The following TOP1MT variants were observed in gnomAD, a reference collection of about 807,000 sequenced individuals.
The protein encoded by TOP1MT is DNA topoisomerase I, mitochondrial.
In TOP1MT, 80 loss-of-function variants were observed where a neutral mutation model predicts 73.9. The observed-to-expected ratio is 1.08, with a 90% confidence interval of 0.90 to 1.30. The LOEUF (loss-of-function observed/expected upper bound fraction) is 1.30. TOP1MT is among the 50% of genes most tolerant of loss of function. TOP1MT has a pLI of 0.00. For synonymous variants in TOP1MT, 338 were observed against 326.4 expected (o/e 1.04, Z -0.38); for missense variants, 815 against 808.0 (o/e 1.01, Z -0.10).
upstream of TOP1MT, chr8:143,334,964 C>G: frequency 3.4e-6 from 4 of 1,177,824 alleles, no homozygotes; most frequent in Non-Finnish European, 4.2e-6. Context: ...GCCTCCGCCC[C>G]CAGCGGCGCT....
upstream of TOP1MT, chr8:143,334,941 G>T: frequency 8.2e-7 from 1 of 1,223,282 alleles, no homozygotes; most frequent in South Asian, 3.4e-5. Context: ...GGCCAGCCCC[G>T]CCCCCGAGCG....
chr8:143,334,922 G>T, upstream of TOP1MT: 2 of 1,287,816 alleles, frequency 1.6e-6, no homozygotes, highest in Non-Finnish European at 2.0e-6. Context: ...GCCCCGCCCC[G>T]CCCCCAGCGG....
upstream of TOP1MT, among the ~76,000 whole-genome samples, chr8:143,356,831 C>T (rs1397897928): frequency 1.4e-5 from 2 of 146,608 alleles, no homozygotes; most frequent in Non-Finnish European, 3.0e-5. Context: ...CAGTGGCTCA[C>T]GCCTGTAATC....
chr8:143,336,211 C>T (rs767857454), upstream of TOP1MT, among the ~76,000 whole-genome samples: 2 of 152,042 alleles, frequency 1.3e-5, no homozygotes, highest in Non-Finnish European at 2.9e-5. Context: ...TATGTTGCCC[C>T]GGCTGGTCTC....
At chr8:143,328,364 C>T (rs752588355) in intron 3 of TOP1MT, 7 of 432,012 alleles carry the variant, frequency 1.6e-5, no homozygotes, top group African/African-American at 6.1e-5. Flanking sequence ...GCGAGGAATA[C>T]GCAAGCAACT....
At chr8:143,338,782 C>T (rs757689829), upstream of TOP1MT, among the ~76,000 whole-genome samples, 6 of 152,166 alleles carry the variant, frequency 3.9e-5, no homozygotes, top group Non-Finnish European at 5.9e-5. Context: ...GCACCCACTG[C>T]ACAAGGCCAG....
chr8:143,324,947 C>A (rs1344085634), intron 5 of TOP1MT, among the ~76,000 whole-genome samples: 1 of 152,214 alleles, frequency 6.6e-6, no homozygotes, highest in Non-Finnish European at 1.5e-5. Flanking sequence ...CACTGGGGGT[C>A]CTGCAGGCAG....
chr8:143,334,332 G>C, intron 1 of TOP1MT: 1 of 158,766 alleles, frequency 6.3e-6, no homozygotes, highest in Non-Finnish European at 1.4e-5. Flanking sequence ...ATGCAGAATC[G>C]GTCCTGGAGA....
chr8:143,317,948 G>A (rs975698801), intron 9 of TOP1MT, 70 bp downstream of exon 9: 1 of 1,594,596 alleles, frequency 6.3e-7, no homozygotes, highest in Admixed American at 1.7e-5. Context: ...CCCTGGGCCA[G>A]ACTCAGCGCC....
chr8:143,356,545 C>G (rs578179750), upstream of TOP1MT, among the ~76,000 whole-genome samples: 19 of 147,804 alleles, frequency 1.3e-4, 1 homozygote, highest in East Asian at 3.0e-3. Flanking sequence ...CCCAGCACTA[C>G]GGGAGGCTGA....
chr8:143,323,291 C>CAT (rs1563761136), intron 7 of TOP1MT, among the ~76,000 whole-genome samples: 3 of 125,458 alleles, frequency 2.4e-5, no homozygotes, highest in African/African-American at 3.2e-5. Flanking sequence ...ACGCCACACA[C>CAT]GCACGCCACA....
At chr8:143,328,946 A>C (rs1476983338) in intron 3 of TOP1MT, among the ~76,000 whole-genome samples, 2 of 152,196 alleles carry the variant, frequency 1.3e-5, no homozygotes, top group Non-Finnish European at 2.9e-5. Flanking sequence ...CCTCCCCTCC[A>C]AAGAGCTTCT....
At chr8:143,355,335 G>A (rs1051345462) in intron 1 of TOP1MT, 5 of 152,258 alleles carry the variant, frequency 3.3e-5, no homozygotes, top group South Asian at 2.1e-4. Flanking sequence ...GATTCTACTC[G>A]CCGCGAATGG....
intron 1 of TOP1MT, among the ~76,000 whole-genome samples, chr8:143,350,572 T>C (rs1233930533): frequency 6.6e-6 from 1 of 152,186 alleles, no homozygotes; most frequent in East Asian, 1.9e-4. Context: ...CCTCAAGTGA[T>C]CCTCCTGCCT....
chr8:143,322,466 GGCACGCCACACAGGCACGCCACAC>G (rs1296494891), intron 7 of TOP1MT, among the ~76,000 whole-genome samples: 41 of 45,274 alleles, frequency 9.1e-4, no homozygotes, highest in African/African-American at 3.8e-3. Flanking sequence ...ATGCCACACA[GGCACGCCACACAGGCACGCCACAC>G]GCACGCCACA....
chr8:143,352,083 A>C (rs1165967217), intron 1 of TOP1MT, among the ~76,000 whole-genome samples: 1 of 152,240 alleles, frequency 6.6e-6, no homozygotes, highest in Non-Finnish European at 1.5e-5. Context: ...ACTCTGTCTC[A>C]AAATATATAA....
chr8:143,322,104 C>T (rs1816435360), intron 7 of TOP1MT, among the ~76,000 whole-genome samples: 1 of 107,734 alleles, frequency 9.3e-6, no homozygotes, highest in Non-Finnish European at 1.8e-5. Flanking sequence ...AACACGCACG[C>T]CACACATGCA....
chr8:143,331,729 G>A (rs1269338159), intron 1 of TOP1MT: 1 of 166,860 alleles, frequency 6.0e-6, no homozygotes, highest in Admixed American at 6.1e-5. Flanking sequence ...CATTTCATTT[G>A]CTAAATAAAG....
chr8:143,322,171 C>CCA (rs1229514942), intron 7 of TOP1MT, among the ~76,000 whole-genome samples: 1 of 74,182 alleles, frequency 1.3e-5, no homozygotes, highest in Non-Finnish European at 2.9e-5. Flanking sequence ...CACACGCATG[C>CCA]CACACGCACG....
Sources: allele counts gnomAD v4.1 joint callset (sites outside exome capture counted in the v4.1 genomes callset), GRCh38; gene constraint gnomAD v4.1.1; transcripts MANE v1.5; gene names NCBI Gene and HGNC (gene_info 2026-07-23, HGNC 2026-07-21).